The following ATP2A2 variants were observed in gnomAD, a reference collection of about 807,000 sequenced individuals.
ATP2A2 encodes the protein sarcoplasmic/endoplasmic reticulum calcium ATPase 2.
A neutral mutation model predicts 109.3 loss-of-function variants in ATP2A2; 14 were observed. That is an observed-to-expected ratio of 0.13 (90% confidence interval 0.08 to 0.20). The LOEUF (loss-of-function observed/expected upper bound fraction) is 0.20, where lower values mean the gene tolerates loss of function less well. Among genes scored for constraint, ATP2A2 ranks in the 10% least tolerant of loss-of-function variants. ATP2A2 has a pLI of 1.00. For synonymous variants in ATP2A2, 506 were observed against 490.9 expected (o/e 1.03, Z -0.41); for missense variants, 657 against 1,321.6 (o/e 0.50, Z 7.80).
intron 18 of ATP2A2, chr12:110,345,639 C>T: frequency 3.3e-6 from 2 of 601,610 alleles, no homozygotes; most frequent in East Asian, 3.0e-5. Context: ...TTTGGTACCC[C>T]TGTATGCCAG....
In ATP2A2 at chr12:110,327,564, T is replaced by G. The variant is rs944717624; in HGVS notation, c.642T>G (p.Ile214Met). ...TACTTCTGTCCTAGGGTACAAACAT[T>G]GCTGCTGGGAAAGCTATGGGAGTGG... ...KKNMLFSGTNIAAGKAMGVVV... is the reference protein window; with the variant it reads ...KKNMLFSGTNMAAGKAMGVVV... Residue 214 changes from isoleucine (I) to methionine (M), a missense_variant, in exon 8 of 20, where the codon ATT (isoleucine) becomes ATG (methionine). By Grantham distance (10) the Ile-to-Met change is conservative. Transcript: ENST00000539276. This position sits in a 1 kb window ranked among gnomAD's most constrained non-coding sequence, Gnocchi z 4.4. The G allele has an allele frequency of 1.2e-6, 2 of 1,613,958 alleles. No individual in the cohort carries two copies. Among genetic ancestry groups the G allele is most frequent in the African/African-American group, 1.3e-5 (1 of 75,018 alleles).
At chr12:110,320,856 A>G (rs550308441) in intron 5 of ATP2A2, among the ~76,000 whole-genome samples, 50 of 152,324 alleles carry the variant, frequency 3.3e-4, no homozygotes, top group African/African-American at 1.2e-3. Context: ...TATGCACTCA[A>G]ATTAAAAAAG....
At chr12:110,293,826 ATGTGTGTGTGTGTGTGTGTG>A (rs59260681) in intron 4 of ATP2A2, among the ~76,000 whole-genome samples, 27 of 108,568 alleles carry the variant, frequency 2.5e-4, no homozygotes, top group South Asian at 3.2e-4. Context: ...TGCCATATAT[ATGTGTGTGTGTGTGTGTGTG>A]TGTGTGTGTG....
At chr12:110,333,633 C>T (rs1270115756) in intron 10 of ATP2A2, among the ~76,000 whole-genome samples, 1 of 152,166 alleles carries the variant, frequency 6.6e-6, no homozygotes, top group African/African-American at 2.4e-5. Context: ...GTAAGCTAGT[C>T]CCTGTCAGAG....
chr12:110,288,960 A>G (rs889558664), intron 3 of ATP2A2, among the ~76,000 whole-genome samples: 4 of 152,114 alleles, frequency 2.6e-5, no homozygotes, highest in African/African-American at 9.7e-5. Context: ...CTCCTTACAC[A>G]AGGCAAGAGG....
rs1363681434 is a variant in ATP2A2 at position 110,333,250 on chromosome 12, T to C, written c.1254T>C (p.Ala418=). The change falls in exon 10 of 20, where the codon GCT becomes GCC. Residue 418 remains alanine, a synonymous_variant. Coordinates refer to ENST00000539276, the MANE Select transcript of ATP2A2 (RefSeq NM_170665.4). The part of the protein sequence containing the change: ...DGLVELATIC[A]LCNDSALDYN... ...TGGTAGAATTAGCAACAATTTGTGC[T>C]CTTTGTAATGACTCTGCTTTGGATT... 3.1e-6 allele frequency: 5 copies of C among 1,613,798 alleles called. No individual in the cohort carries two copies. In the Middle Eastern group the frequency reaches 4.9e-4, roughly 160 times the overall value.
intron 5 of ATP2A2, 65 bp downstream of exon 5, chr12:110,296,802 A>G: frequency 1.9e-6 from 3 of 1,542,436 alleles, no homozygotes; most frequent in Non-Finnish European, 2.7e-6. Context: ...CCTTTTCTCA[A>G]GGCTCATAAT....
chr12:110,339,594 T>C lies in ATP2A2; in HGVS notation c.1634T>C (p.Met545Thr). The change falls in exon 13 of 20, where the codon ATG becomes ACG. Residue 545 changes from methionine (M) to threonine (T), a missense_variant. This residue lies in a region of ATP2A2 where 180 missense variants were observed against 329.1 expected (regional missense o/e 0.55). Coordinates refer to ENST00000539276, the MANE Select transcript of ATP2A2 (RefSeq NM_170665.4). This position sits in a 1 kb window ranked among gnomAD's most constrained non-coding sequence, Gnocchi z 4.4. ...ACCTCTGGAGTCAAACAGAAGATCA[T>C]GTCTGTCATTCGAGAGTGGGGTAGT... ...PMTSGVKQKI[M>T]SVIREWGSGS... is the part of the protein sequence containing the mutation. The C allele has an allele frequency of 5.0e-6, 8 of 1,614,232 alleles. No individual in the cohort carries two copies. Among genetic ancestry groups the C allele is most frequent in the Non-Finnish European group, 6.8e-6 (8 of 1,180,044 alleles).
intron 5 of ATP2A2, among the ~76,000 whole-genome samples, chr12:110,322,025 C>G (rs1489058602): frequency 6.6e-6 from 1 of 151,908 alleles, no homozygotes; most frequent in Non-Finnish European, 1.5e-5. Flanking sequence ...GAGTCTCGCT[C>G]TGCCGCCCAG....
chr12:110,322,714 C>T (rs1279699660), intron 5 of ATP2A2, among the ~76,000 whole-genome samples: 2 of 152,152 alleles, frequency 1.3e-5, no homozygotes, highest in Non-Finnish European at 2.9e-5. Flanking sequence ...GCTTGAAGGC[C>T]TGTCTGAAGA....
chr12:110,323,015 A>G lies in ATP2A2; in HGVS notation c.487A>G (p.Ile163Val), dbSNP rs1195340412. The G allele has an allele frequency of 1.2e-6, 2 of 1,613,336 alleles. No homozygotes were observed. The highest frequency in any genetic ancestry group is 1.3e-5 in the African/African-American group (1 of 74,902). ...IAVGDKVPAD[I>V]RLTSIKSTTL... ...AGTTGGTGACAAAGTTCCTGCTGAT[A>G]TAAGGTTAACTTCCATCAAATCTAC... Residue 163 changes from isoleucine (I) to valine (V), a missense_variant, in exon 6 of 20, where the codon ATA becomes GTA. Coordinates refer to ENST00000539276, the MANE Select transcript of ATP2A2 (RefSeq NM_170665.4).
chr12:110,316,944 CAGG>C (rs1040628423), intron 5 of ATP2A2, among the ~76,000 whole-genome samples: 2 of 152,140 alleles, frequency 1.3e-5, no homozygotes, highest in Non-Finnish European at 2.9e-5. Flanking sequence ...GATTTTAAAA[CAGG>C]AGGAGATCAC....
intron 5 of ATP2A2, among the ~76,000 whole-genome samples, chr12:110,315,162 G>A (rs779791998): frequency 5.3e-5 from 8 of 152,134 alleles, no homozygotes; most frequent in South Asian, 4.1e-4. Flanking sequence ...CATCGCGCCC[G>A]GCAATATACT....
At chr12:110,296,519 T>G in intron 4 of ATP2A2, 80 bp from the exon 5 acceptor site, 2 of 1,576,780 alleles carry the variant, frequency 1.3e-6, no homozygotes, top group African/African-American at 1.3e-5. Context: ...AGATTAGACC[T>G]CTAACATTTT....
chr12:110,299,909 A>G (rs373029052), intron 5 of ATP2A2, among the ~76,000 whole-genome samples: 4 of 152,296 alleles, frequency 2.6e-5, no homozygotes, highest in South Asian at 4.1e-4. Context: ...GGCATGCGCC[A>G]TCATGCCCAG....
chr12:110,345,513 A>G (rs1879763179), intron 18 of ATP2A2, 131 bp downstream of exon 18: 1 of 1,389,424 alleles, frequency 7.2e-7, no homozygotes, highest in South Asian at 1.2e-5. Flanking sequence ...AGAACAGGCA[A>G]TACCAGTTTT....
chr12:110,347,578 ATGTG>A lies in ATP2A2; in HGVS notation c.*1114_*1117del. 8.0e-7 allele frequency: 1 copy of A among 1,252,722 alleles called. No homozygotes were observed. The highest frequency in any genetic ancestry group is 1.0e-6 in the Non-Finnish European group (1 of 967,744). 77.6% of individuals were successfully genotyped at this position (1,252,722 alleles called of 1,614,324 possible). A position where few individuals can be genotyped will look rare whatever the true frequency, so the allele number is the denominator to read the frequency against. On this transcript the variant is annotated 3_prime_UTR_variant, in exon 20 of 20. Coordinates refer to ENST00000539276, the MANE Select transcript of ATP2A2 (RefSeq NM_170665.4). ...TAAGGGCAAGTGTGTATGTGTGTGTATGTGTGTGTTTTGTAAAATCTGTAAATAG... is the reference window on the plus strand; with the variant it reads ...TAAGGGCAAGTGTGTATGTGTGTGTATGTGTTTTGTAAAATCTGTAAATAG...
chr12:110,301,034 A>AT (rs1269351716), intron 5 of ATP2A2, among the ~76,000 whole-genome samples: 6 of 151,736 alleles, frequency 4.0e-5, no homozygotes, highest in Admixed American at 2.6e-4. Context: ...TTCTTGTTTA[A>AT]TTTTTTTAAA....
chr12:110,346,213 A>G lies in ATP2A2; in HGVS notation c.2872A>G (p.Ile958Val), dbSNP rs745644875. The G allele has an allele frequency of 3.7e-6, 6 of 1,614,014 alleles. No individual in the cohort carries two copies. In the African/African-American group the frequency reaches 6.7e-5, roughly 18 times the overall value. ...CCCTGTGTGTCAGCTCATCTTCCAGATCACACCGCTGAACGTGACCCAGTG... is the reference window on the plus strand; with the variant it reads ...CCCTGTGTGTCAGCTCATCTTCCAGGTCACACCGCTGAACGTGACCCAGTG... ...YVEPLPLIFQ[I>V]TPLNVTQWLM... Residue 958 changes from isoleucine to valine, a missense_variant, in exon 20 of 20, where the codon ATC becomes GTC. By Grantham distance (29) the Ile-to-Val change is conservative. Coordinates refer to ENST00000539276, the MANE Select transcript of ATP2A2 (RefSeq NM_170665.4).
Sources: allele counts gnomAD v4.1 joint callset (sites outside exome capture counted in the v4.1 genomes callset), GRCh38; gene constraint gnomAD v4.1.1; regional missense constraint gnomAD v4.1.1; non-coding constraint Gnocchi (gnomAD v3.1); transcripts MANE v1.5; gene names NCBI Gene and HGNC (gene_info 2026-07-23, HGNC 2026-07-21).